SNTG1: variants seen among roughly 807,000 people sequenced by gnomAD.
SNTG1 encodes the protein syntrophin gamma 1, also known as gamma-1-syntrophin.
Under a neutral mutation model 74.7 loss-of-function variants are expected in SNTG1, and 39 were observed. That is an observed-to-expected ratio of 0.52 (90% confidence interval 0.40 to 0.68). SNTG1 has a LOEUF of 0.68. Ranked by LOEUF, SNTG1 falls within the 30% of genes least tolerant of loss-of-function variation. SNTG1 has a pLI of 0.00. For synonymous variants in SNTG1, 254 were observed against 217.1 expected (o/e 1.17, Z -1.49); for missense variants, 685 against 609.5 (o/e 1.12, Z -1.30).
chr8:50,287,842 T>G (rs77140516), intron 2 of SNTG1, among the ~76,000 whole-genome samples: 1 of 152,144 alleles, frequency 6.6e-6, no homozygotes, highest in Non-Finnish European at 1.5e-5. Flanking sequence ...AAAAATACTT[T>G]ATACAACTTT....
At chr8:50,681,727 C>A (rs2095331757) in intron 15 of SNTG1, among the ~76,000 whole-genome samples, 1 of 152,202 alleles carries the variant, frequency 6.6e-6, no homozygotes, top group African/African-American at 2.4e-5. Flanking sequence ...GAATTCCCAA[C>A]CTATTTCCAA....
chr8:50,431,719 G>T (rs149299613), intron 4 of SNTG1, among the ~76,000 whole-genome samples: 3 of 152,106 alleles, frequency 2.0e-5, no homozygotes, highest in Non-Finnish European at 2.9e-5. Context: ...GATTTTAGCC[G>T]TTTTAATAAG....
chr8:50,053,953 A>G (rs1027064797), intron 1 of SNTG1, among the ~76,000 whole-genome samples: 2 of 152,078 alleles, frequency 1.3e-5, no homozygotes, highest in African/African-American at 4.8e-5. Flanking sequence ...GATACTTCTC[A>G]TTACTAGCAG....
intron 2 of SNTG1, among the ~76,000 whole-genome samples, chr8:50,329,282 A>G (rs558496520): frequency 6.6e-6 from 1 of 152,076 alleles, no homozygotes; most frequent in Non-Finnish European, 1.5e-5. Context: ...TTACAGCTCC[A>G]TTAGGCAGGA....
chr8:50,139,092 G>T (rs2081575212), intron 1 of SNTG1, among the ~76,000 whole-genome samples: 1 of 152,084 alleles, frequency 6.6e-6, no homozygotes, highest in Non-Finnish European at 1.5e-5. Flanking sequence ...CATTTGTGTA[G>T]ATTTTTGTGT....
intron 1 of SNTG1, among the ~76,000 whole-genome samples, chr8:50,072,178 T>C (rs573010366): frequency 4.6e-5 from 7 of 152,298 alleles, no homozygotes; most frequent in South Asian, 2.1e-4. Flanking sequence ...ACAAGTAATA[T>C]GTTTCTTGGA....
At chr8:50,110,988 G>T (rs1670825590) in intron 1 of SNTG1, among the ~76,000 whole-genome samples, 1 of 152,070 alleles carries the variant, frequency 6.6e-6, no homozygotes, top group Non-Finnish European at 1.5e-5. Context: ...ACTTAACCAG[G>T]TATCATTTAT....
At chr8:50,057,664 G>T (rs989810040) in intron 1 of SNTG1, among the ~76,000 whole-genome samples, 1 of 152,078 alleles carries the variant, frequency 6.6e-6, no homozygotes, top group Non-Finnish European at 1.5e-5. Flanking sequence ...ATAGCACTAT[G>T]TACACAGAAT....
At chr8:50,491,169 C>T (rs2093849420) in intron 8 of SNTG1, 1 of 152,414 alleles carries the variant, frequency 6.6e-6, no homozygotes, top group South Asian at 2.1e-4. Context: ...TGATCCCAAG[C>T]TCCCCAGAGT....
intron 14 of SNTG1, 106 bp downstream of exon 14, chr8:50,657,131 T>A: frequency 1.9e-6 from 1 of 529,004 alleles, no homozygotes; most frequent in Non-Finnish European, 3.2e-6. Flanking sequence ...TAAAAAATAA[T>A]ATAGAGAAAA....
intron 17 of SNTG1, among the ~76,000 whole-genome samples, chr8:50,722,813 T>C (rs951784261): frequency 6.6e-6 from 1 of 152,182 alleles, no homozygotes; most frequent in African/African-American, 2.4e-5. Context: ...TAATTGTATT[T>C]TAAAATTCAA....
chr8:50,440,013 T>A (rs1271234391), intron 5 of SNTG1, among the ~76,000 whole-genome samples: 7 of 151,616 alleles, frequency 4.6e-5, no homozygotes, highest in Admixed American at 4.6e-4. Flanking sequence ...TTTAACCTAG[T>A]TTTTAAAGCA....
chr8:50,347,490 A>C (rs1335449017), intron 2 of SNTG1, among the ~76,000 whole-genome samples: 1 of 152,220 alleles, frequency 6.6e-6, no homozygotes, highest in Non-Finnish European at 1.5e-5. Context: ...CATTGTTTTC[A>C]TGCCTGCTAA....
At chr8:50,429,056 AT>A (rs2131510696) in intron 4 of SNTG1, among the ~76,000 whole-genome samples, 1 of 149,364 alleles carries the variant, frequency 6.7e-6, no homozygotes, top group South Asian at 2.1e-4. Flanking sequence ...TATTGTTTAT[AT>A]TATCATAATA....
intron 18 of SNTG1, among the ~76,000 whole-genome samples, chr8:50,783,249 A>G (rs537188630): frequency 2.0e-5 from 3 of 152,242 alleles, no homozygotes; most frequent in South Asian, 2.1e-4. Flanking sequence ...GACATTTAAG[A>G]CTGCAGAGGT....
intron 17 of SNTG1, among the ~76,000 whole-genome samples, chr8:50,712,953 G>A (rs1170652263): frequency 2.0e-5 from 3 of 152,166 alleles, no homozygotes; most frequent in East Asian, 1.9e-4. Context: ...AAATAGTGCT[G>A]CAATAAACAT....
intron 1 of SNTG1, among the ~76,000 whole-genome samples, chr8:50,108,259 C>T (rs760112023): frequency 6.6e-6 from 1 of 152,136 alleles, no homozygotes; most frequent in Non-Finnish European, 1.5e-5. Flanking sequence ...GAACAGAATA[C>T]TGTTATTTAT....
rs940912144 is a variant in SNTG1, at chr8:50,242,596, T to C, written c.-28+69961T>C. Among the ~76,000 whole-genome samples, 98 of 151,520 alleles carry C rather than the reference T, an allele frequency of 6.5e-4. 2 individuals are homozygous for C. Among genetic ancestry groups the C allele is most frequent in the Middle Eastern group, 3.5e-3 (1 of 286 alleles). On this transcript the variant is annotated intron_variant, in intron 2 of 18. Transcript: ENST00000642720. ...TTCTGTAGGTTTTTATGGAAGCTTGTATATTGATGTGAAGCCCCCAAATAT... is the reference window on the plus strand; with the variant it reads ...TTCTGTAGGTTTTTATGGAAGCTTGCATATTGATGTGAAGCCCCCAAATAT...
At chr8:50,360,461 T>G (rs28429447) in intron 2 of SNTG1, among the ~76,000 whole-genome samples, 3,331 of 152,258 alleles carry the variant, frequency 0.022, 123 homozygotes, top group African/African-American at 0.077. Context: ...GGGTGGGTTA[T>G]CACTAATATC....
Sources: allele counts gnomAD v4.1 joint callset (sites outside exome capture counted in the v4.1 genomes callset), GRCh38; gene constraint gnomAD v4.1.1; transcripts MANE v1.5; gene names NCBI Gene and HGNC (gene_info 2026-07-23, HGNC 2026-07-21).